PHEX: variants seen among roughly 807,000 people sequenced by gnomAD.
The protein encoded by PHEX is phosphate regulating endopeptidase X-linked, also known as phosphate-regulating neutral endopeptidase PHEX.
Under a neutral mutation model 68.0 loss-of-function variants are expected in PHEX, and 16 were observed. The ratio of observed to expected loss-of-function variants is 0.24; its 90% confidence interval spans 0.16 to 0.36. The LOEUF (loss-of-function observed/expected upper bound fraction) is 0.36. PHEX is among the 10% of genes least tolerant of loss of function. The pLI, the probability that PHEX is intolerant of heterozygous loss-of-function variation, is 1.00. For missense variants in PHEX, 480 were observed against 575.5 expected (o/e 0.83, Z 1.70); for synonymous variants, 208 against 205.1 (o/e 1.01, Z -0.12).
rs145098447 is a variant in PHEX, at chrX:22,233,447, A to C, written c.2070+5836A>C. On this transcript the variant is annotated intron_variant, in intron 20 of 21. Transcript: ENST00000379374. ...TCTCCCCGTCACTTTCAGGTACACC[A>C]ATCAAACGTAGATTTGGTCTTTTCA... 1.5e-4 allele frequency among the ~76,000 whole-genome samples: 17 copies of C among 111,466 alleles called. 1 individual carries two copies. The East Asian group carries it at 3.1e-3, about 20-fold the overall frequency.
rs897355157 is a variant in PHEX at position 22,230,443 on chromosome X, C to CTTAT, written c.2070+2835_2070+2838dup. On this transcript the variant is annotated intron_variant, in intron 20 of 21. Transcript: ENST00000379374. ...GTTTTTCCATTGGTTTGTGTTCTCT[C>CTTAT]TTATTTCCTTGAGCAGTGGTTTGTA... Among the ~76,000 whole-genome samples the CTTAT allele has an allele frequency of 6.5e-5, 6 of 91,902 alleles. No homozygotes were observed. The Admixed American group carries it at 6.6e-4, about 10-fold the overall frequency. 79.8% of individuals were successfully genotyped at this position (91,902 alleles called of 115,157 possible).
At chrX:22,178,232 TCTTTA>T (rs1169604978) in intron 13 of PHEX, 36 bp from the exon 14 acceptor site, 4 of 925,308 alleles carry the variant, frequency 4.3e-6, no homozygotes, top group Non-Finnish European at 6.2e-6. Flanking sequence ...CCATCTTTTA[TCTTTA>T]CTTAGAACAA....
At chrX:22,246,886 T>C (rs1602441386) in intron 21 of PHEX, among the ~76,000 whole-genome samples, 1 of 111,977 alleles carries the variant, frequency 8.9e-6, no homozygotes, top group East Asian at 2.8e-4. Context: ...TAGTCAACCC[T>C]TTGAACACGG....
At chrX:22,154,322 A>T (rs1602342410) in intron 12 of PHEX, among the ~76,000 whole-genome samples, 1 of 111,315 alleles carries the variant, frequency 9.0e-6, no homozygotes, top group African/African-American at 3.3e-5. Context: ...TTATGAACTG[A>T]TAACACAGTG....
chrX:22,160,699 G>C (rs1254513850), intron 12 of PHEX, among the ~76,000 whole-genome samples: 1 of 111,351 alleles, frequency 9.0e-6, no homozygotes, highest in Admixed American at 9.5e-5. Flanking sequence ...CCTCCCACTG[G>C]GTCTCTCCCA....
In PHEX at chrX:22,077,118, T is replaced by A. The variant is rs757184902; in HGVS notation, c.437-358T>A. ...CACTTCTTCTTCATTGGGTAGTGAT[T>A]GGCTTTATTGAGGCATTCCTTTAGT... is the stretch of plus-strand genomic sequence containing the variant. On this transcript the variant is annotated intron_variant, in intron 4 of 21. Transcript: ENST00000379374. Among the ~76,000 whole-genome samples, 13 of 112,077 alleles carry A rather than the reference T, an allele frequency of 1.2e-4. No homozygotes were observed. In the South Asian group the frequency reaches 4.1e-3, roughly 36 times the overall value.
intron 3 of PHEX, among the ~76,000 whole-genome samples, chrX:22,048,027 A>T (rs1279731561): frequency 9.0e-6 from 1 of 110,725 alleles, no homozygotes; most frequent in East Asian, 2.8e-4. Flanking sequence ...ACCTACAAAG[A>T]ACTCCTGAGA....
intron 3 of PHEX, among the ~76,000 whole-genome samples, chrX:22,069,032 G>A (rs7877913): frequency 0.04 from 4,516 of 111,904 alleles, 229 homozygotes; most frequent in African/African-American, 0.14. Context: ...CTATTCATGA[G>A]GGTGAGGCAA....
At chrX:22,089,545 T>C (rs7881275) in intron 5 of PHEX, among the ~76,000 whole-genome samples, 34,910 of 108,494 alleles carry the variant, frequency 0.32, 5,041 homozygotes, top group African/African-American at 0.53. Flanking sequence ...CTCAGCCTCC[T>C]GAGTAGCTGG....
chrX:22,145,060 T>C (rs1602335072), intron 12 of PHEX, among the ~76,000 whole-genome samples: 1 of 112,332 alleles, frequency 8.9e-6, no homozygotes, highest in East Asian at 2.8e-4. Flanking sequence ...GGCAGTGCTG[T>C]GAGCTTCCTG....
At chrX:22,240,172 T>A (rs978765722) in intron 20 of PHEX, among the ~76,000 whole-genome samples, 3 of 111,845 alleles carry the variant, frequency 2.7e-5, no homozygotes, top group Non-Finnish European at 5.6e-5. Context: ...ATAAAATCCT[T>A]TACAGACAAG....
At chrX:22,045,083 G>A (rs1173921805) in intron 2 of PHEX, among the ~76,000 whole-genome samples, 1 of 109,032 alleles carries the variant, frequency 9.2e-6, no homozygotes, top group Non-Finnish European at 1.9e-5. Context: ...GGATTTTGAG[G>A]CCCTATAGAA....
At position 22,077,549 on chromosome X, in the gene PHEX, T is replaced by C. The variant is rs1929207424; in HGVS notation, c.510T>C (p.Leu170=). ...LRHSPFRWPV[L]ESNIGPEGVW... Reference sequence around the variant, plus strand: ...ATTCACCTTTCCGCTGGCCCGTGCTTGAATCTAATATTGGCCCTGAAGGGG... The same window carrying C: ...ATTCACCTTTCCGCTGGCCCGTGCTCGAATCTAATATTGGCCCTGAAGGGG... Residue 170 remains leucine (L), a synonymous_variant, in exon 5 of 22, where the codon CTT becomes CTC. Coordinates refer to ENST00000379374, the MANE Select transcript of PHEX (RefSeq NM_000444.6). 1 of 1,210,071 alleles carries C rather than the reference T, an allele frequency of 8.3e-7. No individual in the cohort carries two copies. The highest frequency in any genetic ancestry group is 1.8e-5 in the South Asian group (1 of 56,839).
rs777023423 is a variant in PHEX at position 22,226,377 on chromosome X, T to A, written c.1900-66T>A. ...TTCTTGCTATAATATTGATGCCTCT[T>A]GCTGAATGATAGTTGACCGTGAAAC... On this transcript the variant is annotated intron_variant, in intron 18 of 21. Coordinates refer to ENST00000379374, the MANE Select transcript of PHEX (RefSeq NM_000444.6). 17 of 769,943 alleles carry A rather than the reference T, an allele frequency of 2.2e-5. No homozygotes were observed. In the South Asian group the frequency reaches 3.3e-4, roughly 15 times the overall value. 63.5% of individuals were successfully genotyped at this position (769,943 alleles called of 1,213,427 possible).
At chrX:22,223,250 G>GTGAC (rs200537477) in intron 18 of PHEX, among the ~76,000 whole-genome samples, 339 of 111,703 alleles carry the variant, frequency 3.0e-3, no homozygotes, top group African/African-American at 0.01. Context: ...TTGCTTTGTA[G>GTGAC]TGACTTCGGG....
At chrX:22,055,174 CAAAAAAAAAAAAAAAAAAAAAAAAAAAAA>C (rs111628195) in intron 3 of PHEX, among the ~76,000 whole-genome samples, 5 of 66,089 alleles carry the variant, frequency 7.6e-5, no homozygotes, top group Admixed American at 2.2e-4. Flanking sequence ...GACTCCAGCT[CAAAAAAAAAAAAAAAAAAAAAAAAAAAAA>C]AAAAAAAAAA....
intron 5 of PHEX, among the ~76,000 whole-genome samples, chrX:22,083,475 A>G (rs1376056991): frequency 8.9e-6 from 1 of 112,257 alleles, no homozygotes; most frequent in African/African-American, 3.2e-5. Flanking sequence ...CATTTTAACA[A>G]TATTCTACTA....
chrX:22,093,771 A>G (rs1176197446), intron 6 of PHEX, among the ~76,000 whole-genome samples: 1 of 112,257 alleles, frequency 8.9e-6, no homozygotes, highest in East Asian at 2.8e-4. Flanking sequence ...TCTGTCTGTC[A>G]TGGAAACAGT....
Position 22,244,304 on chromosome X carries a change from G to A in PHEX, c.2071-1029G>A, listed in dbSNP as rs1244381515. Among the ~76,000 whole-genome samples, 3 of 110,932 alleles carry A rather than the reference G, an allele frequency of 2.7e-5. No individual in the cohort carries two copies. The Admixed American group carries it at 2.9e-4, about 11-fold the overall frequency. Reference sequence around the variant, plus strand: ...GTCCAGGGGGTCGGGGGCTAAGGGAGGGATAGCATTAGGAGAAATGCCTAA... The same window carrying A: ...GTCCAGGGGGTCGGGGGCTAAGGGAAGGATAGCATTAGGAGAAATGCCTAA... On this transcript the variant is annotated intron_variant, in intron 20 of 21. Coordinates refer to ENST00000379374, the MANE Select transcript of PHEX (RefSeq NM_000444.6).
Sources: allele counts gnomAD v4.1 joint callset (sites outside exome capture counted in the v4.1 genomes callset), GRCh38; gene constraint gnomAD v4.1.1; transcripts MANE v1.5; gene names NCBI Gene and HGNC (gene_info 2026-07-23, HGNC 2026-07-21).